The following NYAP2 variants were observed in gnomAD, a reference collection of about 807,000 sequenced individuals.
The protein encoded by NYAP2 is neuronal tyrosine-phosphorylated phosphoinositide-3-kinase adapter 2.
In NYAP2, 23 loss-of-function variants were observed where a neutral mutation model predicts 50.4. The ratio of observed to expected loss-of-function variants is 0.46; its 90% CI spans 0.33 to 0.65. The LOEUF is 0.65. NYAP2 is among the 30% of genes least tolerant of loss of function. The pLI, the probability that NYAP2 is intolerant of heterozygous loss-of-function variation, is 0.02. For missense variants in NYAP2, 885 were observed against 861.0 expected (o/e 1.03, Z -0.35); for synonymous variants, 394 against 365.2 (o/e 1.08, Z -0.90).
At chr2:225,666,491 TA>T in the NYAP2 span, among the ~76,000 whole-genome samples, 1 of 152,052 alleles carries the variant, frequency 6.6e-6, no homozygotes, top group Admixed American at 6.6e-5. Flanking sequence ...ATTGAAACAA[TA>T]TATTGGTTTG....
chr2:225,675,204 C>T, the NYAP2 span, among the ~76,000 whole-genome samples: 2 of 151,870 alleles, frequency 1.3e-5, no homozygotes, highest in Non-Finnish European at 2.9e-5. Flanking sequence ...GGTAAATTGC[C>T]GATGCCGAGG....
At chr2:225,653,631 T>C (rs1559241920) in exon 7 of NYAP2, 1 of 152,258 alleles carries the variant, frequency 6.6e-6, no homozygotes, top group Non-Finnish European at 1.5e-5. Context: ...AGTTGTAATA[T>C]ACATGCATTC....
At chr2:225,628,485 C>A (rs1693252456) in intron 6 of NYAP2, among the ~76,000 whole-genome samples, 1 of 151,882 alleles carries the variant, frequency 6.6e-6, no homozygotes, top group Non-Finnish European at 1.5e-5. Flanking sequence ...CCACGCCCAG[C>A]TAAGTTTTTG....
chr2:225,695,236 C>T, the NYAP2 span, among the ~76,000 whole-genome samples: 2 of 151,562 alleles, frequency 1.3e-5, no homozygotes, highest in Non-Finnish European at 2.9e-5. Context: ...ACCCTGTTGT[C>T]AAGGGAATCC....
intron 5 of NYAP2, among the ~76,000 whole-genome samples, chr2:225,602,036 G>C (rs1357432907): frequency 6.6e-6 from 1 of 152,190 alleles, no homozygotes; most frequent in Non-Finnish European, 1.5e-5. Flanking sequence ...GGGCACCAAA[G>C]TTGAATTTGG....
chr2:225,458,218 G>A (rs1455135924), intron 3 of NYAP2, among the ~76,000 whole-genome samples: 1 of 152,058 alleles, frequency 6.6e-6, no homozygotes, highest in Admixed American at 6.5e-5. Flanking sequence ...TACTACAGGT[G>A]GCAAACACGT....
chr2:225,599,131 T>C (rs1692656066), intron 5 of NYAP2, among the ~76,000 whole-genome samples: 1 of 152,164 alleles, frequency 6.6e-6, no homozygotes, highest in Admixed American at 6.5e-5. Flanking sequence ...GTGGAAGCTA[T>C]TGAGCAAGAT....
the NYAP2 span, among the ~76,000 whole-genome samples, chr2:225,662,819 C>T: frequency 1.3e-5 from 2 of 152,274 alleles, no homozygotes; most frequent in Non-Finnish European, 2.9e-5. Flanking sequence ...ATTCAAGGAA[C>T]GATCTAGGAA....
the NYAP2 span, among the ~76,000 whole-genome samples, chr2:225,671,270 T>A: frequency 6.6e-6 from 1 of 152,150 alleles, no homozygotes; most frequent in Non-Finnish European, 1.5e-5. Context: ...TCTCAAACCC[T>A]GACACTGCTT....
chr2:225,425,546 G>T (rs550294388), intron 3 of NYAP2, among the ~76,000 whole-genome samples: 1 of 152,278 alleles, frequency 6.6e-6, no homozygotes, highest in South Asian at 2.1e-4. Context: ...CACACACTTG[G>T]AATGGGAAAC....
chr2:225,546,503 G>A (rs998322325), intron 4 of NYAP2, among the ~76,000 whole-genome samples: 2 of 151,958 alleles, frequency 1.3e-5, no homozygotes, highest in African/African-American at 2.4e-5. Context: ...TCAGGCTACT[G>A]CCGATATTCA....
chr2:225,633,588 A>G (rs1029013607), intron 6 of NYAP2, among the ~76,000 whole-genome samples: 4 of 152,142 alleles, frequency 2.6e-5, no homozygotes, highest in African/African-American at 7.2e-5. Context: ...ATATTCCCAC[A>G]TTTGTTAGAA....
chr2:225,660,032 G>C, the NYAP2 span, among the ~76,000 whole-genome samples: 1 of 152,076 alleles, frequency 6.6e-6, no homozygotes, highest in African/African-American at 2.4e-5. Context: ...ATTTCTAGTT[G>C]GTTCTATCAC....
intron 4 of NYAP2, among the ~76,000 whole-genome samples, chr2:225,547,168 C>G (rs1691599663): frequency 6.6e-6 from 1 of 152,206 alleles, no homozygotes; most frequent in Non-Finnish European, 1.5e-5. Flanking sequence ...ATTAGGTTTC[C>G]TGATTCTGGA....
intron 3 of NYAP2, among the ~76,000 whole-genome samples, chr2:225,493,141 C>T (rs964668821): frequency 1.1e-4 from 17 of 152,030 alleles, no homozygotes; most frequent in African/African-American, 4.1e-4. Context: ...GTGTGCTACA[C>T]CACCTGGCTA....
chr2:225,411,414 TG>T (rs776058420), intron 3 of NYAP2, among the ~76,000 whole-genome samples: 19 of 151,956 alleles, frequency 1.3e-4, no homozygotes, highest in African/African-American at 1.9e-4. Flanking sequence ...GCGTAACTGA[TG>T]GGGGGGCAGG....
chr2:225,445,407 C>G (rs939433484), intron 3 of NYAP2, among the ~76,000 whole-genome samples: 2 of 151,598 alleles, frequency 1.3e-5, no homozygotes, highest in Non-Finnish European at 2.9e-5. Context: ...TGGCTCTCAC[C>G]CACTAATATT....
chr2:225,519,033 G>T (rs1195797996), intron 4 of NYAP2, among the ~76,000 whole-genome samples: 2 of 151,672 alleles, frequency 1.3e-5, no homozygotes, highest in Non-Finnish European at 2.9e-5. Context: ...TAAATAAAAT[G>T]AAAATAAGGA....
At chr2:225,503,446 A>G (rs1164267173) in intron 3 of NYAP2, among the ~76,000 whole-genome samples, 1 of 152,204 alleles carries the variant, frequency 6.6e-6, no homozygotes, top group East Asian at 1.9e-4. Flanking sequence ...TCTTAAAAGC[A>G]CTTGTCATGT....
Sources: gnomAD v4.1 joint callset for allele counts (sites outside exome capture counted in the v4.1 genomes callset) on GRCh38, gnomAD v4.1.1 for gene constraint, MANE v1.5 for transcripts, NCBI Gene and HGNC (gene_info 2026-07-23, HGNC 2026-07-21) for gene names.